The following MYO1F variants were observed in gnomAD, a reference collection of about 807,000 sequenced individuals.
MYO1F encodes unconventional myosin-If.
MYO1F carries 60 observed loss-of-function variants against 146.6 expected under a neutral mutation model. That is an observed-to-expected ratio of 0.41 (90% CI 0.33 to 0.51). The LOEUF (loss-of-function observed/expected upper bound fraction) is 0.51, where lower values mean the gene tolerates loss of function less well. Among genes scored for constraint, MYO1F ranks in the 20% least tolerant of loss-of-function variants. MYO1F has a pLI of 0.25. For missense variants in MYO1F, 1,274 were observed against 1,534.3 expected, an observed-to-expected ratio of 0.83 and a Z score of 2.83; for synonymous variants, 602 against 602.1, an observed-to-expected ratio of 1.00 and a Z score of 0.00.
intron 19 of MYO1F, among the ~76,000 whole-genome samples, chr19:8,534,609 T>C (rs1972627083): frequency 1.3e-5 from 2 of 151,252 alleles, no homozygotes; most frequent in South Asian, 4.2e-4. Flanking sequence ...CCTGGCCTTT[T>C]CTTCTATTTT....
In MYO1F at chr19:8,521,230, C is replaced by T; in HGVS notation, c.*298G>A. Reference sequence around the variant, plus strand: ...TTTGCCAACAGCACAGGACTCAAGACCCATTTCTTAATCACATGGCAGTTG... The same window carrying T: ...TTTGCCAACAGCACAGGACTCAAGATCCATTTCTTAATCACATGGCAGTTG... On this transcript the variant is annotated 3_prime_UTR_variant, in exon 28 of 28. Coordinates refer to ENST00000644032, the MANE Select transcript of MYO1F (RefSeq NM_012335.4). The T allele has an allele frequency of 2.2e-6, 1 of 463,958 alleles. No homozygotes were observed. The allele number at this position is 463,958 out of a possible 1,614,324, so 28.7% of individuals were successfully genotyped here.
chr19:8,551,645 C>G lies in MYO1F; in HGVS notation c.771+95G>C. ...GGGATTACAGGCTTGAGCCACATGC[C>G]TGGCCTGGGCTTCGGTTTCCTAATT... is the stretch of plus-strand genomic sequence containing the variant. On this transcript the variant is annotated intron_variant, in intron 8 of 27. Coordinates refer to ENST00000644032, the MANE Select transcript of MYO1F (RefSeq NM_012335.4). The G allele has an allele frequency of 1.9e-6, 3 of 1,582,670 alleles. No individual in the cohort carries two copies. The South Asian group carries it at 3.3e-5, about 18-fold the overall frequency.
chr19:8,561,716 T>C (rs1020434244), intron 1 of MYO1F, among the ~76,000 whole-genome samples: 5 of 150,038 alleles, frequency 3.3e-5, no homozygotes, highest in Non-Finnish European at 7.4e-5. Context: ...TTTTTTTCTA[T>C]CTTTTTTTTT....
At chr19:8,531,325 CA>C (rs1972478424) in intron 19 of MYO1F, among the ~76,000 whole-genome samples, 1 of 152,070 alleles carries the variant, frequency 6.6e-6, no homozygotes, top group Non-Finnish European at 1.5e-5. Context: ...CCAGCCTGGG[CA>C]ACAAGAGCAA....
Position 8,526,618 on chromosome 19 carries a change from A to C in MYO1F, c.2622-17T>G. On this transcript the variant is annotated splice_polypyrimidine_tract_variant and intron_variant, in intron 23 of 27. Coordinates refer to ENST00000644032, the MANE Select transcript of MYO1F (RefSeq NM_012335.4). ...AACTGTAGTCTATGGGGAGAGAAGA[A>C]AGCTTGGGGGCGCTGGCTGAGGTCC... 5 of 1,583,474 alleles carry C rather than the reference A, an allele frequency of 3.2e-6. No individual in the cohort carries two copies. The highest frequency in any genetic ancestry group is 4.3e-6 in the Non-Finnish European group (5 of 1,166,714).
At chr19:8,538,063 C>G (rs1448064344) in intron 16 of MYO1F, among the ~76,000 whole-genome samples, 1 of 151,746 alleles carries the variant, frequency 6.6e-6, no homozygotes, top group Non-Finnish European at 1.5e-5. Context: ...CCTCCGTCTC[C>G]CAGGTTCAAG....
At chr19:8,554,781 G>A in intron 2 of MYO1F, 38 bp from the exon 3 acceptor site, 1 of 1,591,794 alleles carries the variant, frequency 6.3e-7, no homozygotes, top group South Asian at 1.1e-5. Flanking sequence ...GTCCTGGTAG[G>A]TTTTGTCCTC....
At chr19:8,523,382 G>A (rs986763898) in intron 25 of MYO1F, among the ~76,000 whole-genome samples, 1 of 151,856 alleles carries the variant, frequency 6.6e-6, no homozygotes, top group Admixed American at 6.6e-5. Context: ...TCTCACTCTC[G>A]CCCAGGTTGG....
intron 25 of MYO1F, among the ~76,000 whole-genome samples, chr19:8,524,495 G>GA (rs1972185659): frequency 6.7e-6 from 1 of 150,276 alleles, no homozygotes; most frequent in Non-Finnish European, 1.5e-5. Flanking sequence ...TGAGGCAGGA[G>GA]AATCGCTTGA....
rs773978862 is a variant in MYO1F, at chr19:8,525,478, C to G, written c.2854+1G>C. ...ATATAGCAAGGGACGCAGCTCCTCA[C>G]CTCTGGGGGGCGCAGGGGCCGCCCG... On this transcript the variant is annotated splice_donor_variant, in intron 25 of 27. Transcript: ENST00000644032. LOFTEE classifies it high-confidence loss of function. 3 of 1,613,046 alleles carry G rather than the reference C, an allele frequency of 1.9e-6. No homozygotes were observed. The South Asian group carries it at 3.3e-5, about 18-fold the overall frequency.
rs753929547 is a variant in MYO1F, at chr19:8,553,391, C to T, written c.373G>A (p.Gly125Ser). The T allele has an allele frequency of 1.2e-6, 2 of 1,614,084 alleles. No homozygotes were observed. The highest frequency in any genetic ancestry group is 1.7e-6 in the Non-Finnish European group (2 of 1,180,018). ...CCGCCAGACACCTTGGAGATGTAGC[C>T]CATGATATATTTGGCTGCCACTGTC... ...GKTVAAKYIM[G>S]YISKVSGGGE... is the part of the protein sequence containing the mutation. The change falls in exon 5 of 28, where the codon GGC (glycine) becomes AGC (serine). Residue 125 changes from glycine (G) to serine (S), a missense_variant. Transcript: ENST00000644032.
intron 1 of MYO1F, among the ~76,000 whole-genome samples, chr19:8,568,172 C>T (rs1285448736): frequency 6.6e-6 from 1 of 152,112 alleles, no homozygotes; most frequent in Non-Finnish European, 1.5e-5. Flanking sequence ...ACCTGTGATC[C>T]CAGCACTTTG....
In MYO1F at chr19:8,541,887, C is replaced by A. The variant is rs1233201206; in HGVS notation, c.1610+19G>T. On this transcript the variant is annotated intron_variant, in intron 15 of 27. Transcript: ENST00000644032. ...TTGGGGGGTTGTAGCCGGAGGTCCC[C>A]ATGCCTGGGACCACTCACTGCTCAC... 1.2e-6 allele frequency: 2 copies of A among 1,605,902 alleles called. No homozygotes were observed. Among genetic ancestry groups the A allele is most frequent in the Non-Finnish European group, 1.7e-6 (2 of 1,173,378 alleles).
intron 1 of MYO1F, among the ~76,000 whole-genome samples, chr19:8,568,951 A>G (rs1173754598): frequency 2.6e-5 from 4 of 152,096 alleles, no homozygotes; most frequent in South Asian, 2.1e-4. Context: ...TGGATTCCAT[A>G]ATGACCCTTG....
At chr19:8,562,281 A>G (rs1310907200) in intron 1 of MYO1F, among the ~76,000 whole-genome samples, 4 of 151,884 alleles carry the variant, frequency 2.6e-5, no homozygotes, top group Non-Finnish European at 5.9e-5. Flanking sequence ...GATTATAGGC[A>G]TGAGCCACCG....
At chr19:8,529,840 G>T (rs968077314) in intron 21 of MYO1F, 34 of 449,280 alleles carry the variant, frequency 7.6e-5, no homozygotes, top group African/African-American at 6.4e-4. Context: ...GGGTAATGAT[G>T]TACCTGTGAT....
chr19:8,536,261 G>T lies in MYO1F; in HGVS notation c.2034C>A (p.Asn678Lys). Residue 678 changes from asparagine (N) to lysine (K), a missense_variant, in exon 19 of 28, where the codon AAC becomes AAA. Around this residue, in one of 2 missense-constraint regions of MYO1F, gnomAD observed 900 missense variants for 1,155.1 expected, o/e 0.78. Transcript: ENST00000644032. ...QMGSTKVFVK[N>K]PESLFLLEEV... ...CCTCAAACACACTCACCGACTCTGG[G>T]TTCTTGACAAAGACCTTGGTGCTCC... 2 of 1,605,366 alleles carry T rather than the reference G, an allele frequency of 1.2e-6. No individual in the cohort carries two copies. The highest frequency in any genetic ancestry group is 2.2e-5 in the East Asian group (1 of 44,836).
intron 1 of MYO1F, among the ~76,000 whole-genome samples, chr19:8,558,897 T>C (rs1973961509): frequency 1.3e-5 from 2 of 152,044 alleles, no homozygotes; most frequent in South Asian, 4.1e-4. Flanking sequence ...ATTTTTGAGA[T>C]GGGGTCTCAC....
At chr19:8,542,658 T>A (rs1973029741) in intron 14 of MYO1F, among the ~76,000 whole-genome samples, 1 of 149,876 alleles carries the variant, frequency 6.7e-6, no homozygotes, top group Non-Finnish European at 1.5e-5. Flanking sequence ...TGGAGTGCAA[T>A]GACACGATCT....
Sources: allele counts gnomAD v4.1 joint callset (sites outside exome capture counted in the v4.1 genomes callset), GRCh38; gene constraint gnomAD v4.1.1; regional missense constraint gnomAD v4.1.1; transcripts MANE v1.5; gene names NCBI Gene and HGNC (gene_info 2026-07-23, HGNC 2026-07-21).